The following IGDCC3 variants were observed in gnomAD, a reference collection of about 807,000 sequenced individuals.
The protein encoded by IGDCC3 is putative neuronal cell adhesion molecule.
IGDCC3 carries 47 observed loss-of-function variants against 72.0 expected under a neutral mutation model. The observed-to-expected ratio is 0.65, with a 90% CI of 0.52 to 0.83. The LOEUF is 0.83. Ranked by LOEUF, IGDCC3 falls within the 40% of genes least tolerant of loss-of-function variation. IGDCC3 has a pLI of 0.00. For missense variants in IGDCC3, 1,038 were observed against 1,091.3 expected (o/e 0.95, Z 0.69); for synonymous variants, 477 against 472.8 (o/e 1.01, Z -0.11).
At chr15:65,335,782 C>T in intron 3 of IGDCC3, 30 bp downstream of exon 3, 2 of 1,612,796 alleles carry the variant, frequency 1.2e-6, no homozygotes, top group African/African-American at 1.3e-5. Flanking sequence ...CCTCTTTGTC[C>T]TCCCTCTGTC....
In IGDCC3 at chr15:65,375,386, A is replaced by G. The variant is rs666623; in HGVS notation, c.120T>C (p.Ala40=). Reference sequence around the variant, plus strand: ...TTGGCTCCACAGCAAATGCCAGTTCAGCAGAGTGGCCAAGACCTGCATTGG... The same window carrying G: ...TTGGCTCCACAGCAAATGCCAGTTCGGCAGAGTGGCCAAGACCTGCATTGG... ...PAPSEGLGHS[A]ELAFAVEPSD... Residue 40 remains alanine, a synonymous_variant, in exon 2 of 14, where the codon GCT becomes GCC. Transcript: ENST00000327987. 1,445,887 of 1,600,328 alleles carry G rather than the reference A, an allele frequency of 0.9. 653,643 individuals are homozygous for G. The highest frequency in any genetic ancestry group is 0.96 in the African/African-American group (71,693 of 74,810).
chr15:65,330,790 A>G (rs2090970291), intron 9 of IGDCC3, 49 bp from the exon 10 acceptor site: 2 of 1,451,568 alleles, frequency 1.4e-6, no homozygotes, highest in Non-Finnish European at 1.9e-6. Flanking sequence ...TGGAAGCTCT[A>G]TCTTTCTACC....
At chr15:65,340,601 T>C (rs2091071982) in intron 2 of IGDCC3, among the ~76,000 whole-genome samples, 1 of 152,190 alleles carries the variant, frequency 6.6e-6, no homozygotes, top group African/African-American at 2.4e-5. Flanking sequence ...CTTTTGGATG[T>C]CCAGCCCCTC....
intron 2 of IGDCC3, among the ~76,000 whole-genome samples, chr15:65,340,148 A>T (rs2140145740): frequency 6.6e-6 from 1 of 152,206 alleles, no homozygotes; most frequent in African/African-American, 2.4e-5. Flanking sequence ...GTTCCTGGAC[A>T]CCTCTATAAA....
intron 4 of IGDCC3, 123 bp from the exon 5 acceptor site, chr15:65,334,988 G>A: frequency 8.5e-7 from 1 of 1,174,152 alleles, no homozygotes; most frequent in East Asian, 2.6e-5. Context: ...GGTCCTGTGG[G>A]CAGAGAGATA....
chr15:65,350,254 C>T (rs2140154837), intron 2 of IGDCC3, among the ~76,000 whole-genome samples: 1 of 152,142 alleles, frequency 6.6e-6, no homozygotes, highest in South Asian at 2.1e-4. Flanking sequence ...CTTCAGCCTC[C>T]TGAGTAGCTG....
intron 2 of IGDCC3, among the ~76,000 whole-genome samples, chr15:65,369,681 A>G (rs1055469814): frequency 1.3e-5 from 2 of 152,126 alleles, no homozygotes; most frequent in African/African-American, 4.8e-5. Flanking sequence ...TTCAAGAAGG[A>G]GAGAAGAACT....
At chr15:65,348,802 A>G (rs553896837) in intron 2 of IGDCC3, among the ~76,000 whole-genome samples, 1 of 152,272 alleles carries the variant, frequency 6.6e-6, no homozygotes, top group South Asian at 2.1e-4. Context: ...GTTAACTGCT[A>G]TCTCTTTGGA....
At chr15:65,342,821 T>C (rs2091093864) in intron 2 of IGDCC3, among the ~76,000 whole-genome samples, 1 of 152,202 alleles carries the variant, frequency 6.6e-6, no homozygotes, top group African/African-American at 2.4e-5. Flanking sequence ...AGTGGGGAAA[T>C]ACTTGCTAAA....
At chr15:65,342,626 G>A (rs1278607691) in intron 2 of IGDCC3, among the ~76,000 whole-genome samples, 1 of 151,970 alleles carries the variant, frequency 6.6e-6, no homozygotes, top group Non-Finnish European at 1.5e-5. Flanking sequence ...TGGTCTCTCT[G>A]GCCGTCCCTC....
chr15:65,370,528 A>G (rs2091316833), intron 2 of IGDCC3, among the ~76,000 whole-genome samples: 2 of 143,148 alleles, frequency 1.4e-5, no homozygotes, highest in Non-Finnish European at 3.0e-5. Flanking sequence ...ATATATATAT[A>G]TATATATATT....
intron 2 of IGDCC3, among the ~76,000 whole-genome samples, chr15:65,346,473 T>C (rs1017809712): frequency 1.1e-4 from 17 of 151,750 alleles, no homozygotes; most frequent in Admixed American, 7.2e-4. Flanking sequence ...CTTTTTTTTT[T>C]TGAGACGGAG....
In IGDCC3 at chr15:65,329,710, C is replaced by G; in HGVS notation, c.1997+16G>C. 1 of 1,613,966 alleles carries G rather than the reference C, an allele frequency of 6.2e-7. No individual in the cohort carries two copies. Reference sequence around the variant, plus strand: ...CCACACACCAGCCCAGCCCCTCTCCCTGGCCCAGGACCCACCTGCCCCTTT... The same window carrying G: ...CCACACACCAGCCCAGCCCCTCTCCGTGGCCCAGGACCCACCTGCCCCTTT... On this transcript the variant is annotated intron_variant, in intron 12 of 13. Coordinates refer to ENST00000327987, the MANE Select transcript of IGDCC3 (RefSeq NM_004884.4). This position sits in a 1 kb window ranked among gnomAD's most constrained non-coding sequence, Gnocchi z 4.1.
chr15:65,334,994 A>C, intron 4 of IGDCC3, 129 bp from the exon 5 acceptor site: 1 of 1,105,832 alleles, frequency 9.0e-7, no homozygotes, highest in South Asian at 1.6e-5. Context: ...GTGGGCAGAG[A>C]GATACCAGGA....
intron 2 of IGDCC3, among the ~76,000 whole-genome samples, chr15:65,366,186 CAA>C (rs1367889214): frequency 2.0e-4 from 22 of 112,436 alleles, no homozygotes; most frequent in Non-Finnish European, 3.3e-4. Context: ...CCAGCCTGGG[CAA>C]AAGAGACAGA....
At chr15:65,335,183 A>T (rs774815293) in intron 4 of IGDCC3, 108 bp downstream of exon 4, 1 of 1,231,862 alleles carries the variant, frequency 8.1e-7, no homozygotes, top group Non-Finnish European at 1.1e-6. Flanking sequence ...CTCTGCACGC[A>T]CGTGGCTGAG....
At chr15:65,355,494 G>A (rs1293379852) in intron 2 of IGDCC3, among the ~76,000 whole-genome samples, 1 of 150,638 alleles carries the variant, frequency 6.6e-6, no homozygotes, top group Non-Finnish European at 1.5e-5. Context: ...GGCGCGGCAG[G>A]GGCGGCGGGC....
intron 2 of IGDCC3, among the ~76,000 whole-genome samples, chr15:65,351,499 A>C (rs1158749675): frequency 1.3e-5 from 2 of 149,774 alleles, no homozygotes; most frequent in Admixed American, 1.3e-4. Context: ...GCACCACTGC[A>C]TTCCAGCCTG....
At chr15:65,356,003 C>T (rs1159470948) in intron 2 of IGDCC3, 2 of 277,284 alleles carry the variant, frequency 7.2e-6, no homozygotes, top group Non-Finnish European at 1.5e-5. Context: ...CGCGCGGCCC[C>T]CGGACTCGCC....
Sources: allele counts gnomAD v4.1 joint callset (sites outside exome capture counted in the v4.1 genomes callset), GRCh38; gene constraint gnomAD v4.1.1; non-coding constraint Gnocchi (gnomAD v3.1); transcripts MANE v1.5; gene names NCBI Gene and HGNC (gene_info 2026-07-23, HGNC 2026-07-21).